R3HCC1: variants seen among roughly 807,000 people sequenced by gnomAD.
The protein encoded by R3HCC1 is R3H domain and coiled-coil containing 1.
R3HCC1 carries 32 observed loss-of-function variants against 40.0 expected under a neutral mutation model. That is an observed-to-expected ratio of 0.80 (90% CI 0.60 to 1.07). The LOEUF is 1.07. Ranked by LOEUF, R3HCC1 falls within the 50% of genes least tolerant of loss-of-function variation. The pLI is 0.00. For missense variants in R3HCC1, 586 were observed against 563.3 expected (o/e 1.04, Z -0.41); for synonymous variants, 237 against 232.8 (o/e 1.02, Z -0.17).
At chr8:23,294,732 A>AG in intron 6 of R3HCC1, 37 bp from the exon 7 acceptor site, 4 of 1,492,644 alleles carry the variant, frequency 2.7e-6, no homozygotes. Flanking sequence ...GGTCCTGAGG[A>AG]GGAGGGAGTG....
intron 5 of R3HCC1, among the ~76,000 whole-genome samples, chr8:23,292,741 C>T (rs937640429): frequency 7.2e-5 from 11 of 152,252 alleles, no homozygotes; most frequent in South Asian, 2.1e-4. Flanking sequence ...AGGGGCAACA[C>T]GTTCTGCTCT....
intron 7 of R3HCC1, chr8:23,295,721 T>C: frequency 1.7e-6 from 1 of 576,058 alleles, no homozygotes; most frequent in South Asian, 2.1e-5. Context: ...GCCCCCTCAC[T>C]GTAGAGACAG....
intron 3 of R3HCC1, 109 bp downstream of exon 3, chr8:23,289,262 C>G: frequency 8.1e-7 from 1 of 1,231,362 alleles, no homozygotes; most frequent in East Asian, 2.6e-5. Flanking sequence ...CTGGGACCCC[C>G]GGCTGCTGCC....
At chr8:23,295,367 T>G (rs1802982271) in intron 7 of R3HCC1, 1 of 423,382 alleles carries the variant, frequency 2.4e-6, no homozygotes, top group Admixed American at 2.8e-5. Flanking sequence ...AAGGATTGAA[T>G]GAGAGCCTGG....
At chr8:23,288,322 T>G in intron 1 of R3HCC1, 165 bp downstream of exon 1, 1 of 1,126,764 alleles carries the variant, frequency 8.9e-7, no homozygotes, top group South Asian at 1.6e-5. Flanking sequence ...GACGAGAGCC[T>G]TGGGCAGGAG....
At chr8:23,291,214 C>T in intron 4 of R3HCC1, 147 bp from the exon 5 acceptor site, 2 of 1,193,460 alleles carry the variant, frequency 1.7e-6, no homozygotes, top group Non-Finnish European at 2.3e-6. Context: ...GACGTCTTGA[C>T]CTTGCAGCCC....
At chr8:23,295,483 A>C in intron 7 of R3HCC1, 1 of 457,628 alleles carries the variant, frequency 2.2e-6, no homozygotes, top group South Asian at 1.5e-5. Flanking sequence ...GATTTTAGAC[A>C]CGAGTTTTCC....
chr8:23,293,814 G>A (rs573705152), intron 6 of R3HCC1, among the ~76,000 whole-genome samples: 169 of 152,204 alleles, frequency 1.1e-3, no homozygotes, highest in African/African-American at 3.8e-3. Flanking sequence ...TTGTACAGCT[G>A]GAGAGACTTA....
Position 23,296,137 on chromosome 8 carries a change from T to C in R3HCC1, c.*40T>C. On this transcript the variant is annotated 3_prime_UTR_variant, in exon 8 of 8. Coordinates refer to ENST00000265806, the MANE Select transcript of R3HCC1 (RefSeq NM_001136108.3). ...ACTGGCCTGGATCTGCGTCCCGACG[T>C]AGCTGGCGCCCCCAACACCATAAGC... 3.3e-6 allele frequency: 5 copies of C among 1,529,436 alleles called. No individual in the cohort carries two copies. The highest frequency in any genetic ancestry group is 4.4e-6 in the Non-Finnish European group (5 of 1,135,988). The allele number at this position is 1,529,436 out of a possible 1,614,324, so 94.7% of individuals were successfully genotyped here. A position where few individuals can be genotyped will look rare whatever the true frequency, so the allele number is the denominator to read the frequency against.
In R3HCC1 at chr8:23,291,318, T is replaced by C. The variant is rs780843044; in HGVS notation, c.853-43T>C. 17 of 1,533,950 alleles carry C rather than the reference T, an allele frequency of 1.1e-5. 1 individual carries two copies. The South Asian group carries it at 2.0e-4, about 18-fold the overall frequency. ...GCGTGGGCTAGTGGTTTGGGAGCTC[T>C]GCGTGTCCAAGCTCCCCTTGCTAAG... On this transcript the variant is annotated intron_variant, in intron 4 of 7. Transcript: ENST00000265806.
At chr8:23,294,207 C>T (rs191931040) in intron 6 of R3HCC1, among the ~76,000 whole-genome samples, 4 of 152,218 alleles carry the variant, frequency 2.6e-5, no homozygotes, top group Admixed American at 6.5e-5. Flanking sequence ...CCCTGTGCTG[C>T]GAGAGGAATG....
rs776097575 is a variant in R3HCC1, at chr8:23,288,166, A to C, written c.-19+9A>C. The stretch of plus-strand genomic sequence containing the variant: ...CGCGCCGAGAGGCCGCGGTGAGTGC[A>C]GCAGCACTGGGGGGGTGGTCGTCCC... On this transcript the variant is annotated intron_variant, in intron 1 of 7. Coordinates refer to ENST00000265806, the MANE Select transcript of R3HCC1 (RefSeq NM_001136108.3). 2 of 1,228,888 alleles carry C rather than the reference A, an allele frequency of 1.6e-6. No individual in the cohort carries two copies. Among genetic ancestry groups the C allele is most frequent in the South Asian group, 2.9e-5 (2 of 68,846 alleles). The allele number at this position is 1,228,888 out of a possible 1,614,324, so 76.1% of individuals were successfully genotyped here. A position where few individuals can be genotyped will look rare whatever the true frequency, so the allele number is the denominator to read the frequency against.
Position 23,291,460 on chromosome 8 carries a change from C to A in R3HCC1, c.952C>A (p.His318Asn), listed in dbSNP as rs1414292502. ...GCTGCCTGGAGAGAAGGACCTTGCCCACGTGGTAGAGATCTATGACTTTGA... is the reference window on the plus strand; with the variant it reads ...GCTGCCTGGAGAGAAGGACCTTGCCAACGTGGTAGAGATCTATGACTTTGA... Residue 318 changes from histidine (H) to asparagine (N), a missense_variant, in exon 5 of 8, where the codon CAC (histidine) becomes AAC (asparagine). By Grantham distance (68) the His-to-Asn change is moderately conservative. Coordinates refer to ENST00000265806, the MANE Select transcript of R3HCC1 (RefSeq NM_001136108.3). The A allele has an allele frequency of 6.4e-7, 1 of 1,551,640 alleles. No individual in the cohort carries two copies.
chr8:23,296,188 C>T lies in R3HCC1; in HGVS notation c.*91C>T, dbSNP rs927518603. On this transcript the variant is annotated 3_prime_UTR_variant, in exon 8 of 8. Transcript: ENST00000265806. ...CTTCACAGACGCCAGAGCAGCCCCGCACCACCCTCGAGCTTCACCATGGGG... is the reference window on the plus strand; with the variant it reads ...CTTCACAGACGCCAGAGCAGCCCCGTACCACCCTCGAGCTTCACCATGGGG... The T allele has an allele frequency of 1.6e-5, 22 of 1,413,348 alleles. No individual in the cohort carries two copies. The highest frequency in any genetic ancestry group is 2.0e-5 in the Non-Finnish European group (21 of 1,067,386). The allele number at this position is 1,413,348 out of a possible 1,614,324, so 87.6% of individuals were successfully genotyped here. A position where few individuals can be genotyped will look rare whatever the true frequency, so the allele number is the denominator to read the frequency against.
At chr8:23,292,945 C>T (rs1340969394) in intron 5 of R3HCC1, among the ~76,000 whole-genome samples, 1 of 152,202 alleles carries the variant, frequency 6.6e-6, no homozygotes, top group Non-Finnish European at 1.5e-5. Context: ...ACCACAGAAA[C>T]CCTTTCTTCC....
rs1449894414 is a variant in R3HCC1 at position 23,288,413 on chromosome 8, G to A, written c.-18-93G>A. ...CCGCCACCGAGCCTTGGACCAGAGG[G>A]TTTCTAAGGCCCTTTCGGTGCCGGC... On this transcript the variant is annotated intron_variant, in intron 1 of 7. Transcript: ENST00000265806. 2.7e-6 allele frequency: 4 copies of A among 1,486,548 alleles called. No individual in the cohort carries two copies. The African/African-American group carries it at 4.2e-5, about 15-fold the overall frequency. The allele number at this position is 1,486,548 out of a possible 1,614,324, so 92.1% of individuals were successfully genotyped here.
At chr8:23,293,434 G>C in intron 6 of R3HCC1, 61 bp downstream of exon 6, 1 of 1,333,366 alleles carries the variant, frequency 7.5e-7, no homozygotes, top group Non-Finnish European at 1.1e-6. Flanking sequence ...GAGGACCCTT[G>C]GTTCCCTGGG....
intron 5 of R3HCC1, 121 bp downstream of exon 5, chr8:23,291,654 G>T: frequency 2.1e-6 from 3 of 1,451,506 alleles, no homozygotes; most frequent in Non-Finnish European, 2.8e-6. Context: ...ACAGAAAGTG[G>T]GTGTGTTGCC....
At chr8:23,288,727 C>G in intron 2 of R3HCC1, 94 bp downstream of exon 2, 1 of 1,452,848 alleles carries the variant, frequency 6.9e-7, no homozygotes, top group Non-Finnish European at 9.3e-7. Context: ...TGCCTGGCAG[C>G]TGGCTCTGAC....
Sources: gnomAD v4.1 joint callset for allele counts (sites outside exome capture counted in the v4.1 genomes callset) on GRCh38, gnomAD v4.1.1 for gene constraint, MANE v1.5 for transcripts, NCBI Gene and HGNC (gene_info 2026-07-23, HGNC 2026-07-21) for gene names.